The following SLC30A6 variants were observed in gnomAD, a reference collection of about 807,000 sequenced individuals.
SLC30A6 encodes the protein solute carrier family 30 member 6.
A neutral mutation model predicts 63.0 loss-of-function variants in SLC30A6; 55 were observed. That is an observed-to-expected ratio of 0.87 (90% CI 0.70 to 1.09). SLC30A6 has a LOEUF of 1.09. Ranked by LOEUF, SLC30A6 falls within the 50% of genes least tolerant of loss-of-function variation. SLC30A6 has a pLI of 0.00. For synonymous variants in SLC30A6, 224 were observed against 186.1 expected, an observed-to-expected ratio of 1.20 and a Z score of -1.66; for missense variants, 587 against 549.2, an observed-to-expected ratio of 1.07 and a Z score of -0.69.
In SLC30A6 at chr2:32,202,685, G is replaced by A. The variant is rs189993765; in HGVS notation, c.666-1905G>A. 8.4e-4 allele frequency: 553 copies of A among 657,252 alleles called. 1 individual carries two copies. Among genetic ancestry groups the A allele is most frequent in the East Asian group, 5.9e-3 (196 of 33,356 alleles). The allele number at this position is 657,252 out of a possible 1,614,324, so 40.7% of individuals were successfully genotyped here. Reference sequence around the variant, plus strand: ...TTGTGCTTGATGAAGTGGATCAAATGTTAGAGTTAGGTTTTGCTGAACAAG... The same window carrying A: ...TTGTGCTTGATGAAGTGGATCAAATATTAGAGTTAGGTTTTGCTGAACAAG... On this transcript the variant is annotated intron_variant, in intron 10 of 13. Transcript: ENST00000282587.
At chr2:32,207,412 T>C (rs1296037510) in intron 12 of SLC30A6, among the ~76,000 whole-genome samples, 2 of 151,874 alleles carry the variant, frequency 1.3e-5, no homozygotes, top group Non-Finnish European at 2.9e-5. Flanking sequence ...AGTCTTGCTC[T>C]GTCGCCCAGG....
At chr2:32,183,828 A>G (rs931121557) in intron 4 of SLC30A6, among the ~76,000 whole-genome samples, 17 of 152,218 alleles carry the variant, frequency 1.1e-4, no homozygotes, top group South Asian at 4.1e-4. Flanking sequence ...GAAAATGAAC[A>G]TAATTTTATC....
chr2:32,196,417 C>T (rs1363224318), intron 8 of SLC30A6, among the ~76,000 whole-genome samples: 1 of 152,114 alleles, frequency 6.6e-6, no homozygotes, highest in Admixed American at 6.5e-5. Context: ...AAATACTTTA[C>T]ATAGAATAAC....
At chr2:32,190,458 CAAA>C (rs35454386) in intron 5 of SLC30A6, among the ~76,000 whole-genome samples, 4 of 128,292 alleles carry the variant, frequency 3.1e-5, no homozygotes, top group Admixed American at 7.9e-5. Flanking sequence ...GACTCCGTCT[CAAA>C]AAAAAAAAAA....
At chr2:32,209,466 C>G (rs1008435064) in intron 12 of SLC30A6, 27 bp from the exon 13 acceptor site, 11 of 1,579,032 alleles carry the variant, frequency 7.0e-6, no homozygotes, top group Non-Finnish European at 9.5e-6. Flanking sequence ...ACAGACAACT[C>G]TGATCACCTC....
intron 5 of SLC30A6, among the ~76,000 whole-genome samples, chr2:32,191,385 A>G (rs1429416250): frequency 3.3e-5 from 5 of 152,148 alleles, no homozygotes; most frequent in African/African-American, 4.8e-5. Flanking sequence ...ACAAATAACA[A>G]TGTGATGTAC....
chr2:32,174,922 G>T (rs1681594987), intron 3 of SLC30A6, among the ~76,000 whole-genome samples: 1 of 152,122 alleles, frequency 6.6e-6, no homozygotes, highest in Non-Finnish European at 1.5e-5. Flanking sequence ...TTTGAGGTTT[G>T]TTGGCTTTTC....
intron 13 of SLC30A6, among the ~76,000 whole-genome samples, chr2:32,211,373 CTTCAGTACACATTTGT>C (rs1685241156): frequency 1.3e-5 from 2 of 151,932 alleles, no homozygotes; most frequent in South Asian, 4.1e-4. Context: ...GATATAAACT[CTTCAGTACACATTTGT>C]TTCAAGTTTC....
intron 2 of SLC30A6, among the ~76,000 whole-genome samples, chr2:32,171,847 C>G (rs963743801): frequency 6.6e-6 from 1 of 152,116 alleles, no homozygotes; most frequent in Admixed American, 6.6e-5. Flanking sequence ...CATGGGCCAC[C>G]ACGCCCGGCT....
Position 32,204,654 on chromosome 2 carries a change from T to TATC in SLC30A6, c.731_733dup (p.Tyr244_Pro245insHis). 4.3e-6 allele frequency: 7 copies of TATC among 1,613,182 alleles called. No homozygotes were observed. Among genetic ancestry groups the TATC allele is most frequent in the Non-Finnish European group, 5.9e-6 (7 of 1,179,446 alleles). ...TGCCTTGATGACATTTGGCACTATG[T>TATC]ATCCCATGAGTGTGTACAGTGGGAA... is the stretch of plus-strand genomic sequence containing the variant. On this transcript the variant is annotated inframe_insertion, in exon 11 of 14. Transcript: ENST00000282587.
intron 13 of SLC30A6, 61 bp downstream of exon 13, chr2:32,209,622 C>A: frequency 7.2e-7 from 1 of 1,379,728 alleles, no homozygotes; most frequent in Non-Finnish European, 1.0e-6. Flanking sequence ...ATTTTTAAAA[C>A]TGAAAAAAAA....
At chr2:32,213,381 T>G (rs1226632741) in intron 13 of SLC30A6, among the ~76,000 whole-genome samples, 1 of 151,838 alleles carries the variant, frequency 6.6e-6, no homozygotes, top group African/African-American at 2.4e-5. Context: ...CCAGCCCTTA[T>G]TGCAGACCCA....
Position 32,216,683 on chromosome 2 carries a change from C to T in SLC30A6, c.886-3530C>T, listed in dbSNP as rs577743822. Among the ~76,000 whole-genome samples the T allele has an allele frequency of 2.1e-4, 32 of 151,942 alleles. No homozygotes were observed. The South Asian group carries it at 6.0e-3, about 29-fold the overall frequency. On this transcript the variant is annotated intron_variant, in intron 13 of 13. Transcript: ENST00000282587. ...GATTAGTGATGATGAGCATTTTTTT[C>T]ATGCTTCTTGGCCACTTGTATGACT...
chr2:32,175,274 A>T, intron 3 of SLC30A6, 45 bp from the exon 4 acceptor site: 1 of 1,569,802 alleles, frequency 6.4e-7, no homozygotes, highest in South Asian at 1.1e-5. Context: ...GTATTTTTTT[A>T]GAGGGGTCAG....
At chr2:32,191,329 T>C (rs1344193961) in intron 5 of SLC30A6, among the ~76,000 whole-genome samples, 1 of 152,248 alleles carries the variant, frequency 6.6e-6, no homozygotes, top group Non-Finnish European at 1.5e-5. Context: ...CTTTTTTTGT[T>C]TAACAATATA....
At position 32,224,284 on chromosome 2, in the gene SLC30A6, A is replaced by T. The variant is rs1371513564; in HGVS notation, c.*3571A>T. 1.9e-5 allele frequency: 10 copies of T among 521,172 alleles called. No individual in the cohort carries two copies. Among genetic ancestry groups the T allele is most frequent in the Non-Finnish European group, 3.0e-5 (9 of 298,540 alleles). 32.3% of individuals were successfully genotyped at this position (521,172 alleles called of 1,614,324 possible). A position where few individuals can be genotyped will look rare whatever the true frequency, so the allele number is the denominator to read the frequency against. On this transcript the variant is annotated 3_prime_UTR_variant, in exon 14 of 14. Coordinates refer to ENST00000282587, the MANE Select transcript of SLC30A6 (RefSeq NM_017964.5). ...AAAGGTAACACAAAGATGAATGAGA[A>T]TTCCTTCAAGGCGCCGATAATCCTA...
intron 11 of SLC30A6, among the ~76,000 whole-genome samples, chr2:32,206,193 TC>T (rs1418324279): frequency 2.0e-5 from 3 of 150,634 alleles, no homozygotes; most frequent in Non-Finnish European, 3.0e-5. Flanking sequence ...ATGCCTGTAA[TC>T]CCAGCACTTT....
chr2:32,179,565 C>G (rs1318526430), intron 4 of SLC30A6, among the ~76,000 whole-genome samples: 2 of 152,154 alleles, frequency 1.3e-5, no homozygotes, highest in Non-Finnish European at 1.5e-5. Context: ...ACAGATGAAA[C>G]CGATCCTGCT....
Position 32,192,954 on chromosome 2 carries a change from G to A in SLC30A6, c.401+1G>A. On this transcript the variant is annotated splice_donor_variant, in intron 7 of 13. Coordinates refer to ENST00000282587, the MANE Select transcript of SLC30A6 (RefSeq NM_017964.5). LOFTEE classifies it high-confidence loss of function. ...TTTTGGAACAGCCCGAGATACACACGTGAGATTTTATTTTCAATATATAAT... is the reference window on the plus strand; with the variant it reads ...TTTTGGAACAGCCCGAGATACACACATGAGATTTTATTTTCAATATATAAT... 5 of 1,506,954 alleles carry A rather than the reference G, an allele frequency of 3.3e-6. No homozygotes were observed. Among genetic ancestry groups the A allele is most frequent in the Non-Finnish European group, 4.5e-6 (5 of 1,110,404 alleles). The allele number at this position is 1,506,954 out of a possible 1,614,324, so 93.3% of individuals were successfully genotyped here.
Sources: allele counts gnomAD v4.1 joint callset (sites outside exome capture counted in the v4.1 genomes callset), GRCh38; gene constraint gnomAD v4.1.1; transcripts MANE v1.5; gene names NCBI Gene and HGNC (gene_info 2026-07-23, HGNC 2026-07-21).